The following CDH23 variants were observed in gnomAD, a reference collection of about 807,000 sequenced individuals.
The protein encoded by CDH23 is cadherin-23.
CDH23 carries 189 observed loss-of-function variants against 317.1 expected under a neutral mutation model. The ratio of observed to expected loss-of-function variants is 0.60; its 90% confidence interval spans 0.53 to 0.67. The LOEUF (loss-of-function observed/expected upper bound fraction) is 0.67, where lower values mean the gene tolerates loss of function less well. Among genes scored for constraint, CDH23 ranks in the 30% least tolerant of loss-of-function variants. The pLI is 0.00. For missense variants in CDH23, 4,401 were observed against 4,592.4 expected, an observed-to-expected ratio of 0.96 and a Z score of 1.20; for synonymous variants, 1,839 against 1,876.8, an observed-to-expected ratio of 0.98 and a Z score of 0.52.
At chr10:71,577,877 G>T in intron 8 of CDH23, 37 bp from the exon 9 acceptor site, 1 of 1,535,684 alleles carries the variant, frequency 6.5e-7, no homozygotes, top group Non-Finnish European at 8.9e-7. Flanking sequence ...CAGCAGCCAG[G>T]GGACCCAAAC....
rs527818581 is a variant in CDH23, at chr10:71,686,291, G to A, written c.1987-1356G>A. 7.2e-5 allele frequency among the ~76,000 whole-genome samples: 11 copies of A among 152,094 alleles called. No individual in the cohort carries two copies. In the South Asian group the frequency reaches 1.2e-3, roughly 17 times the overall value. ...AAATGTATAAGTATATGGGGCGCTC[G>A]CACCCGCACCAGGGACAGGGGAGAT... On this transcript the variant is annotated intron_variant, in intron 18 of 69. Coordinates refer to ENST00000224721, the MANE Select transcript of CDH23 (RefSeq NM_022124.6).
chr10:71,812,575 T>C lies in CDH23; in HGVS notation c.9476T>C (p.Ile3159Thr). ...EDDLPENLSE[I>T]ADLWNSPTRT... ...GACCTACCGGAGAACCTGAGTGAGA[T>C]CGCCGACCTGTGGAACAGCCCCACG... The change falls in exon 67 of 70, where the codon ATC becomes ACC. Residue 3159 changes from isoleucine to threonine, a missense_variant. Transcript: ENST00000224721. The C allele has an allele frequency of 6.2e-7, 1 of 1,613,876 alleles. No individual in the cohort carries two copies. Among genetic ancestry groups the C allele is most frequent in the South Asian group, 1.1e-5 (1 of 91,088 alleles).
intron 51 of CDH23, 44 bp downstream of exon 51, chr10:71,799,324 T>A (rs1200485281): frequency 6.2e-7 from 1 of 1,612,468 alleles, no homozygotes; most frequent in South Asian, 1.1e-5. Flanking sequence ...CTGCGCCCAT[T>A]CCTTGGGGTC....
chr10:71,727,499 C>A (rs1018065791), intron 30 of CDH23, among the ~76,000 whole-genome samples: 1 of 152,232 alleles, frequency 6.6e-6, no homozygotes, highest in Non-Finnish European at 1.5e-5. Flanking sequence ...TGGCTTTCCG[C>A]TGGACTCATT....
Position 71,601,961 on chromosome 10 carries a change from A to T in CDH23, c.833-13543A>T, listed in dbSNP as rs867460752. Among the ~76,000 whole-genome samples, 25 of 140,056 alleles carry T rather than the reference A, an allele frequency of 1.8e-4. No individual in the cohort carries two copies. In the South Asian group the frequency reaches 2.6e-3, roughly 15 times the overall value. 91.9% of individuals were successfully genotyped at this position (140,056 alleles called of 152,430 possible). A position where few individuals can be genotyped will look rare whatever the true frequency, so the allele number is the denominator to read the frequency against. On this transcript the variant is annotated intron_variant, in intron 9 of 69. Transcript: ENST00000224721. ...AGGGCCTGGGCTGGGTGGGCGGCGG[A>T]GGGGGGGGGGCTCTGCAGCCCCCAG...
chr10:71,649,149 A>G (rs1020621973), intron 14 of CDH23, among the ~76,000 whole-genome samples: 3 of 150,526 alleles, frequency 2.0e-5, no homozygotes, highest in African/African-American at 7.4e-5. Flanking sequence ...TCCTGGCCAC[A>G]CCCTCCACAC....
chr10:71,697,437 G>C (rs1433428544), intron 22 of CDH23, among the ~76,000 whole-genome samples: 1 of 152,200 alleles, frequency 6.6e-6, no homozygotes, highest in Non-Finnish European at 1.5e-5. Flanking sequence ...GGGAGGCCAA[G>C]GCAGGCAGAT....
rs747061224 is a variant in CDH23 at position 71,609,991 on chromosome 10, T to TGAGA, written c.833-5512_833-5511insAGAG. ...GTGTGTGTGTGTGTGTGTGTGTGTG[T>TGAGA]GTGTGAGAGAGACAGAGAGACGAGA... is the stretch of plus-strand genomic sequence containing the variant. On this transcript the variant is annotated intron_variant, in intron 9 of 69. Transcript: ENST00000224721. 0.021 allele frequency among the ~76,000 whole-genome samples: 2,743 copies of TGAGA among 133,450 alleles called. 153 individuals carry two copies. In the East Asian group the frequency reaches 0.24, roughly 11 times the overall value. 87.5% of individuals were successfully genotyped at this position (133,450 alleles called of 152,430 possible). A position where few individuals can be genotyped will look rare whatever the true frequency, so the allele number is the denominator to read the frequency against.
chr10:71,444,894 C>A (rs770474716), intron 2 of CDH23, among the ~76,000 whole-genome samples: 5 of 152,212 alleles, frequency 3.3e-5, no homozygotes, highest in Non-Finnish European at 5.9e-5. Flanking sequence ...ATGACAGTCC[C>A]ACTTCCAGCT....
At chr10:71,791,980 T>C (rs1166066792) in intron 47 of CDH23, among the ~76,000 whole-genome samples, 1 of 152,178 alleles carries the variant, frequency 6.6e-6, no homozygotes, top group Admixed American at 6.5e-5. Context: ...CAAATATAAC[T>C]TCTGGAAGAA....
At chr10:71,579,483 G>A (rs1858476359) in intron 9 of CDH23, among the ~76,000 whole-genome samples, 2 of 152,182 alleles carry the variant, frequency 1.3e-5, no homozygotes, top group Admixed American at 6.5e-5. Context: ...CACTCTAGGG[G>A]AGTGAGTTTT....
At chr10:71,501,298 G>A (rs1045860473) in intron 3 of CDH23, among the ~76,000 whole-genome samples, 1 of 152,194 alleles carries the variant, frequency 6.6e-6, no homozygotes, top group African/African-American at 2.4e-5. Flanking sequence ...GTCATGCCCA[G>A]GAAACAGAAT....
rs74147018 is a variant in CDH23, at chr10:71,699,708, A to G, written c.2398-2314A>G. On this transcript the variant is annotated intron_variant, in intron 22 of 69. Coordinates refer to ENST00000224721, the MANE Select transcript of CDH23 (RefSeq NM_022124.6). The stretch of plus-strand genomic sequence containing the variant: ...GGGGAGAAGGAGAGAATTATTCCCC[A>G]TCAGGCTAGGAGAAAAATGACGGGC... Among the ~76,000 whole-genome samples, 1,468 of 152,334 alleles carry G rather than the reference A, an allele frequency of 9.6e-3. 16 individuals are homozygous for G. The highest frequency in any genetic ancestry group is 0.033 in the African/African-American group (1,380 of 41,566).
At chr10:71,526,344 A>G (rs1244444961) in intron 6 of CDH23, among the ~76,000 whole-genome samples, 1 of 152,222 alleles carries the variant, frequency 6.6e-6, no homozygotes, top group Non-Finnish European at 1.5e-5. Context: ...ACGTGGGCCC[A>G]GGAGGCAGGA....
At chr10:71,661,491 T>C (rs1665624) in intron 14 of CDH23, among the ~76,000 whole-genome samples, 62,990 of 152,026 alleles carry the variant, frequency 0.41, 13,532 homozygotes, top group South Asian at 0.57. Flanking sequence ...GTGCCCTCTC[T>C]ACCTTCTGGG....
intron 45 of CDH23, 62 bp from the exon 46 acceptor site, chr10:71,790,226 G>A: frequency 1.9e-6 from 3 of 1,596,212 alleles, no homozygotes; most frequent in South Asian, 2.3e-5. Flanking sequence ...GGACAGGGCA[G>A]GGGAGGTGGG....
rs181529308 is a variant in CDH23 at position 71,626,673 on chromosome 10, C to G, written c.1134+9280C>G. Among the ~76,000 whole-genome samples the G allele has an allele frequency of 1.6e-4, 25 of 152,284 alleles. 1 individual carries two copies. The East Asian group carries it at 4.8e-3, about 29-fold the overall frequency. On this transcript the variant is annotated intron_variant, in intron 11 of 69. Transcript: ENST00000224721. ...TGAATTAAGAACCAAACTCTAGAAG[C>G]AGTGAAGAGAGGTGAGGGAAAGAAG...
intron 31 of CDH23, 64 bp downstream of exon 31, chr10:71,730,668 G>A: frequency 6.3e-7 from 1 of 1,596,088 alleles, no homozygotes; most frequent in Non-Finnish European, 8.5e-7. Context: ...AGCTCACCCA[G>A]CCCCTCCTTC....
chr10:71,650,388 G>A (rs899542003), intron 14 of CDH23, among the ~76,000 whole-genome samples: 7 of 152,240 alleles, frequency 4.6e-5, no homozygotes, highest in Admixed American at 3.9e-4. Context: ...ATCACACAGA[G>A]GAAGGATGTG....
Sources: gnomAD v4.1 joint callset for allele counts (sites outside exome capture counted in the v4.1 genomes callset) on GRCh38, gnomAD v4.1.1 for gene constraint, MANE v1.5 for transcripts, NCBI Gene and HGNC (gene_info 2026-07-23, HGNC 2026-07-21) for gene names.